Variants in PRDM16 observed in about 807,000 individuals in gnomAD.
The protein encoded by PRDM16 is histone-lysine N-methyltransferase PRDM16.
PRDM16 carries 23 observed loss-of-function variants against 110.6 expected under a neutral mutation model. The observed-to-expected ratio is 0.21, with a 90% confidence interval of 0.15 to 0.29. The LOEUF (loss-of-function observed/expected upper bound fraction) is 0.29. Among genes scored for constraint, PRDM16 ranks in the 10% least tolerant of loss-of-function variants. PRDM16 has a pLI of 1.00. For synonymous variants in PRDM16, 799 were observed against 781.8 expected (o/e 1.02, Z -0.37); for missense variants, 1,615 against 1,794.3 (o/e 0.90, Z 1.81).
chr1:3,203,800 C>T (rs1433363197), intron 2 of PRDM16, among the ~76,000 whole-genome samples: 2 of 152,164 alleles, frequency 1.3e-5, no homozygotes, highest in Non-Finnish European at 2.9e-5. Flanking sequence ...ACTCAGGCCG[C>T]GTTCTCAGGT....
intron 3 of PRDM16, among the ~76,000 whole-genome samples, chr1:3,297,353 G>T (rs1273002984): frequency 1.4e-5 from 2 of 145,926 alleles, no homozygotes; most frequent in African/African-American, 2.6e-5. Flanking sequence ...GCGCGATCTT[G>T]GCTCGCTGCA....
At chr1:3,302,404 G>A (rs1301414233) in intron 3 of PRDM16, among the ~76,000 whole-genome samples, 3 of 152,190 alleles carry the variant, frequency 2.0e-5, no homozygotes, top group African/African-American at 7.2e-5. Flanking sequence ...AAAGGTGACG[G>A]TGGCATGCAG....
chr1:3,173,747 T>C (rs943919083), intron 1 of PRDM16, among the ~76,000 whole-genome samples: 4 of 152,160 alleles, frequency 2.6e-5, no homozygotes, highest in Non-Finnish European at 4.4e-5. Flanking sequence ...GTGGGGTGAA[T>C]GGCAGTCACA....
At chr1:3,307,338 T>C (rs1256332901) in intron 3 of PRDM16, 3 of 152,170 alleles carry the variant, frequency 2.0e-5, no homozygotes, top group Non-Finnish European at 4.4e-5. Context: ...CACCGACGCT[T>C]GGCATGGTCC....
At chr1:3,150,861 G>A (rs80354425) in intron 1 of PRDM16, among the ~76,000 whole-genome samples, 2 of 146,834 alleles carry the variant, frequency 1.4e-5, no homozygotes, top group African/African-American at 2.5e-5. Context: ...TATGGAGGCC[G>A]GGTGGGGGCG....
At position 3,356,207 on chromosome 1, in the gene PRDM16, C is replaced by T. The variant is rs149529840; in HGVS notation, c.439-28945C>T. ...CCAGCACGCGGGCACAGATGAATCA[C>T]GCAGGGGGCTTGAGCAGGCCGACGT... On this transcript the variant is annotated intron_variant, in intron 3 of 16. Coordinates refer to ENST00000270722, the MANE Select transcript of PRDM16 (RefSeq NM_022114.4). Among the ~76,000 whole-genome samples the T allele has an allele frequency of 8.8e-3, 1,335 of 152,320 alleles. 9 individuals are homozygous for T. The highest frequency in any genetic ancestry group is 0.014 in the Non-Finnish European group (977 of 68,028).
chr1:3,341,514 G>A (rs998744216), intron 3 of PRDM16, among the ~76,000 whole-genome samples: 2 of 152,172 alleles, frequency 1.3e-5, no homozygotes, highest in Admixed American at 6.5e-5. Flanking sequence ...GAGACCCGCC[G>A]TGAAGCACAG....
chr1:3,279,138 T>G (rs1640654188), intron 3 of PRDM16, among the ~76,000 whole-genome samples: 1 of 152,180 alleles, frequency 6.6e-6, no homozygotes, highest in Non-Finnish European at 1.5e-5. Context: ...TGGCCCCGAG[T>G]CCGGGGATGC....
At chr1:3,102,262 G>A (rs1642551880) in intron 1 of PRDM16, among the ~76,000 whole-genome samples, 1 of 152,168 alleles carries the variant, frequency 6.6e-6, no homozygotes, top group Non-Finnish European at 1.5e-5. Flanking sequence ...GGGGACTCAG[G>A]GGAGGGAGGA....
Position 3,157,047 on chromosome 1 carries a change from G to C in PRDM16, c.38-29078G>C, listed in dbSNP as rs935344747. ...GAGGCTGGGCTGGGGCTGAGCACGAGGGCCAAGAGGTGACCGCCGGCCAGA... is the reference window on the plus strand; with the variant it reads ...GAGGCTGGGCTGGGGCTGAGCACGACGGCCAAGAGGTGACCGCCGGCCAGA... On this transcript the variant is annotated intron_variant, in intron 1 of 16. Coordinates refer to ENST00000270722, the MANE Select transcript of PRDM16 (RefSeq NM_022114.4). The surrounding 1 kb of genome is among the most constrained non-coding windows in gnomAD (Gnocchi z 4.8). Among the ~76,000 whole-genome samples the C allele has an allele frequency of 4.9e-4, 74 of 152,198 alleles. No individual in the cohort carries two copies. The highest frequency in any genetic ancestry group is 8.7e-4 in the Non-Finnish European group (59 of 68,022).
chr1:3,152,377 CAT>C (rs1643792794), intron 1 of PRDM16, among the ~76,000 whole-genome samples: 1 of 123,594 alleles, frequency 8.1e-6, no homozygotes, highest in Admixed American at 7.6e-5. Context: ...TCCATCCATC[CAT>C]CCATTTATCC....
In PRDM16 at chr1:3,081,801, G is replaced by A. The variant is rs1163972696; in HGVS notation, c.37+12505G>A. On this transcript the variant is annotated intron_variant, in intron 1 of 16. Transcript: ENST00000270722. This position sits in a 1 kb window ranked among gnomAD's most constrained non-coding sequence, Gnocchi z 4.6. ...TTGGGGGACCTTCCATGGGCAGCAG[G>A]GCAGCAAGGGAGACCACCTCCTTGC... is the stretch of plus-strand genomic sequence containing the variant. 6.6e-6 allele frequency among the ~76,000 whole-genome samples: 1 copy of A among 151,802 alleles called. No homozygotes were observed. Among genetic ancestry groups the A allele is most frequent in the East Asian group, 2.0e-4 (1 of 5,074 alleles).
Position 3,426,169 on chromosome 1 carries a change from C to G in PRDM16, c.3228C>G (p.Ile1076Met), listed in dbSNP as rs756085209. The change falls in exon 14 of 17, where the codon ATC (isoleucine) becomes ATG (methionine). Residue 1076 changes from isoleucine (I) to methionine (M), a missense_variant. Physicochemically the swap from Ile to Met is conservative, Grantham distance 10 (BLOSUM62 1). Transcript: ENST00000270722. Reference protein sequence around the residue: ...DEKEDSYFSEIRNFIANSEMN... With the variant: ...DEKEDSYFSEMRNFIANSEMN... Reference sequence around the variant, plus strand: ...AAGAAGACTCTTATTTCTCGGAAATCAGAAACTTTATTGCCAATAGTGAGA... The same window carrying G: ...AAGAAGACTCTTATTTCTCGGAAATGAGAAACTTTATTGCCAATAGTGAGA... 1.2e-6 allele frequency: 2 copies of G among 1,613,926 alleles called. No homozygotes were observed. The highest frequency in any genetic ancestry group is 1.7e-6 in the Non-Finnish European group (2 of 1,179,874).
At chr1:3,230,266 G>A (rs1435707769) in intron 2 of PRDM16, among the ~76,000 whole-genome samples, 5 of 152,238 alleles carry the variant, frequency 3.3e-5, no homozygotes, top group Non-Finnish European at 7.3e-5. Context: ...CTAGATGGCC[G>A]TTCTAGATTC....
At chr1:3,411,048 GCA>G (rs1223197188) in intron 8 of PRDM16, among the ~76,000 whole-genome samples, 7 of 148,662 alleles carry the variant, frequency 4.7e-5, no homozygotes, top group African/African-American at 1.5e-4. Flanking sequence ...TGGGGCGCAT[GCA>G]CACACACATA....
chr1:3,195,757 C>T (rs956984057), intron 2 of PRDM16, among the ~76,000 whole-genome samples: 4 of 152,216 alleles, frequency 2.6e-5, no homozygotes, highest in African/African-American at 2.4e-5. Context: ...CCAGCCTCCC[C>T]CTAGGTCCCC....
At chr1:3,426,250 G>T (rs369288928) in intron 14 of PRDM16, 25 bp downstream of exon 14, 1 of 1,605,428 alleles carries the variant, frequency 6.2e-7, no homozygotes, top group African/African-American at 1.3e-5. Flanking sequence ...GCGGGCTGGG[G>T]AAAGTCTGGA....
intron 1 of PRDM16, among the ~76,000 whole-genome samples, chr1:3,173,182 G>A (rs962658120): frequency 6.6e-6 from 1 of 152,186 alleles, no homozygotes; most frequent in African/African-American, 2.4e-5. Flanking sequence ...GCAATCCGTG[G>A]CTACCTTGCT....
intron 1 of PRDM16, among the ~76,000 whole-genome samples, chr1:3,126,733 G>A (rs548935089): frequency 2.5e-4 from 38 of 152,338 alleles, no homozygotes; most frequent in Non-Finnish European, 4.1e-4. Context: ...CCTGGAGGTG[G>A]GCTCCCCACT....
Sources: allele counts gnomAD v4.1 joint callset (sites outside exome capture counted in the v4.1 genomes callset), GRCh38; gene constraint gnomAD v4.1.1; non-coding constraint Gnocchi (gnomAD v3.1); transcripts MANE v1.5; gene names NCBI Gene and HGNC (gene_info 2026-07-23, HGNC 2026-07-21).